The following PCED1B variants were observed in gnomAD, a reference collection of about 807,000 sequenced individuals.
The protein encoded by PCED1B is PC-esterase domain containing 1B.
For missense variants in PCED1B, 573 were observed against 573.9 expected, an observed-to-expected ratio of 1.00 and a Z score of 0.02; for synonymous variants, 251 against 246.1, an observed-to-expected ratio of 1.02 and a Z score of -0.19.
chr12:47,161,514 T>C (rs1445522098), intron 2 of PCED1B, among the ~76,000 whole-genome samples: 4 of 152,100 alleles, frequency 2.6e-5, no homozygotes, highest in African/African-American at 4.8e-5. Context: ...TGTGAATCCT[T>C]TTATATTAGT....
At chr12:47,159,484 T>A (rs1941301240) in intron 2 of PCED1B, among the ~76,000 whole-genome samples, 1 of 152,190 alleles carries the variant, frequency 6.6e-6, no homozygotes, top group African/African-American at 2.4e-5. Flanking sequence ...TGTTTGCATT[T>A]CTCTGATGAT....
At chr12:47,095,982 T>C (rs532613160) in intron 1 of PCED1B, among the ~76,000 whole-genome samples, 1 of 152,258 alleles carries the variant, frequency 6.6e-6, no homozygotes, top group Admixed American at 6.5e-5. Flanking sequence ...GAAGCATTTA[T>C]GTAAACACTC....
intron 2 of PCED1B, among the ~76,000 whole-genome samples, chr12:47,147,337 C>T (rs1479745083): frequency 6.6e-6 from 1 of 152,026 alleles, no homozygotes; most frequent in African/African-American, 2.4e-5. Context: ...TAAATGTCAC[C>T]TTCCATAAAG....
intron 2 of PCED1B, among the ~76,000 whole-genome samples, chr12:47,105,236 A>T (rs1489558616): frequency 6.6e-6 from 1 of 152,070 alleles, no homozygotes; most frequent in Admixed American, 6.5e-5. Context: ...TGACAGAGTG[A>T]ACGCGGTGGG....
In PCED1B at chr12:47,235,417, G is replaced by C. The variant is rs1291573558; in HGVS notation, c.354G>C (p.Leu118=). Reference sequence around the variant, plus strand: ...AGTCGGGCGAGCACGCCCCCGACCTGGTCATCATGAATTCCTGCCTCTGGG... The same window carrying C: ...AGTCGGGCGAGCACGCCCCCGACCTCGTCATCATGAATTCCTGCCTCTGGG... The part of the protein sequence containing the change: ...ELQSGEHAPD[L]VIMNSCLWDI... The change falls in exon 4 of 4, where the codon CTG becomes CTC. Residue 118 remains leucine (L), a synonymous_variant. Transcript: ENST00000546455. 6.2e-7 allele frequency: 1 copy of C among 1,614,182 alleles called. No individual in the cohort carries two copies. Among genetic ancestry groups the C allele is most frequent in the Non-Finnish European group, 8.5e-7 (1 of 1,180,044 alleles).
intron 2 of PCED1B, among the ~76,000 whole-genome samples, chr12:47,202,432 C>T (rs990230192): frequency 5.9e-5 from 9 of 151,934 alleles, no homozygotes; most frequent in African/African-American, 1.9e-4. Context: ...GTTCCTAAGG[C>T]GAAGATAGTT....
chr12:47,162,952 T>C (rs948770954), intron 2 of PCED1B, among the ~76,000 whole-genome samples: 1 of 152,254 alleles, frequency 6.6e-6, no homozygotes, highest in Non-Finnish European at 1.5e-5. Context: ...GATGGGTTTT[T>C]CTATTTCTGA....
At chr12:47,173,532 G>A (rs76570437) in intron 2 of PCED1B, among the ~76,000 whole-genome samples, 1 of 152,074 alleles carries the variant, frequency 6.6e-6, no homozygotes, top group African/African-American at 2.4e-5. Flanking sequence ...GATTACAGGT[G>A]TGAGCCACCA....
intron 3 of PCED1B, among the ~76,000 whole-genome samples, chr12:47,230,236 C>T (rs763663507): frequency 2.0e-5 from 3 of 150,248 alleles, no homozygotes; most frequent in African/African-American, 4.9e-5. Context: ...AGGCCCCAGC[C>T]ACCACGCCCT....
Position 47,212,434 on chromosome 12 carries a change from A to T in PCED1B, c.-525-3788A>T, listed in dbSNP as rs914896519. ...AGAGCTTACAGCCTTAGAGAAAAAA[A>T]TTCATGAACTATAGCTCTGGAACTA... On this transcript the variant is annotated intron_variant, in intron 2 of 3. Coordinates refer to ENST00000546455, the MANE Select transcript of PCED1B (RefSeq NM_138371.3). 3.9e-5 allele frequency among the ~76,000 whole-genome samples: 6 copies of T among 152,200 alleles called. No individual in the cohort carries two copies. In the East Asian group the frequency reaches 1.2e-3, roughly 29 times the overall value.
chr12:47,207,010 C>T (rs1394549762), intron 2 of PCED1B, among the ~76,000 whole-genome samples: 2 of 152,196 alleles, frequency 1.3e-5, no homozygotes, highest in African/African-American at 4.8e-5. Flanking sequence ...CTCAACTTGG[C>T]AGGCTCTGCC....
intron 1 of PCED1B, among the ~76,000 whole-genome samples, chr12:47,089,510 A>T (rs1489265663): frequency 7.1e-6 from 1 of 140,350 alleles, no homozygotes; most frequent in East Asian, 2.1e-4. Context: ...ACCAAAAAAC[A>T]TACCTACCTA....
intron 2 of PCED1B, among the ~76,000 whole-genome samples, chr12:47,188,967 G>A (rs1942360572): frequency 6.6e-6 from 1 of 152,034 alleles, no homozygotes; most frequent in South Asian, 2.1e-4. Flanking sequence ...CTTCTGATTA[G>A]GTCACTGTGA....
Position 47,225,111 on chromosome 12 carries a change from T to G in PCED1B, c.-58+8422T>G, listed in dbSNP as rs530884564. ...CATGCCCAGCTGATTTTTGTATTTT[T>G]GGTACAGACGGGGTTTTGCCATGTT... On this transcript the variant is annotated intron_variant, in intron 3 of 3. Transcript: ENST00000546455. Among the ~76,000 whole-genome samples the G allele has an allele frequency of 7.9e-5, 12 of 152,276 alleles. No individual in the cohort carries two copies. In the South Asian group the frequency reaches 2.3e-3, roughly 29 times the overall value.
intron 1 of PCED1B, among the ~76,000 whole-genome samples, chr12:47,102,844 T>C (rs1479522738): frequency 6.6e-6 from 1 of 152,244 alleles, no homozygotes; most frequent in African/African-American, 2.4e-5. Flanking sequence ...ATTATCAGTA[T>C]AAGTAACGTA....
intron 2 of PCED1B, among the ~76,000 whole-genome samples, chr12:47,171,500 G>A (rs1165512671): frequency 1.3e-5 from 2 of 152,132 alleles, no homozygotes; most frequent in East Asian, 3.9e-4. Context: ...ATCTCACTTT[G>A]TTAACACCTA....
chr12:47,090,362 C>A (rs1592129976), intron 1 of PCED1B, among the ~76,000 whole-genome samples: 1 of 152,172 alleles, frequency 6.6e-6, no homozygotes, highest in East Asian at 1.9e-4. Flanking sequence ...TTTTGCAGAG[C>A]CTCAATAAAA....
intron 2 of PCED1B, among the ~76,000 whole-genome samples, chr12:47,194,075 G>T (rs547888941): frequency 6.6e-6 from 1 of 152,312 alleles, no homozygotes. Flanking sequence ...CCTCCTTGCA[G>T]GAGTGGCCGC....
chr12:47,088,385 A>G (rs951499571), intron 1 of PCED1B, among the ~76,000 whole-genome samples: 8 of 152,016 alleles, frequency 5.3e-5, no homozygotes, highest in Non-Finnish European at 1.2e-4. Flanking sequence ...CTTACTCTCC[A>G]TGGTGCTCTC....
Sources: allele counts gnomAD v4.1 joint callset (sites outside exome capture counted in the v4.1 genomes callset), GRCh38; gene constraint gnomAD v4.1.1; transcripts MANE v1.5; gene names NCBI Gene and HGNC (gene_info 2026-07-23, HGNC 2026-07-21).